The following ALDH1L1 variants were observed in gnomAD, a reference collection of about 807,000 sequenced individuals.
ALDH1L1 encodes cytosolic 10-formyltetrahydrofolate dehydrogenase.
ALDH1L1 carries 68 observed loss-of-function variants against 101.1 expected under a neutral mutation model. That is an observed-to-expected ratio of 0.67 (90% CI 0.55 to 0.82). The LOEUF (loss-of-function observed/expected upper bound fraction) is 0.82. ALDH1L1 is among the 40% of genes least tolerant of loss of function. The pLI is 0.00. For synonymous variants in ALDH1L1, 486 were observed against 470.8 expected, an observed-to-expected ratio of 1.03 and a Z score of -0.42; for missense variants, 1,087 against 1,172.7, an observed-to-expected ratio of 0.93 and a Z score of 1.07.
Position 126,157,528 on chromosome 3 carries a change from A to G in ALDH1L1, c.363-20T>C, listed in dbSNP as rs201772609. 21 of 1,610,412 alleles carry G rather than the reference A, an allele frequency of 1.3e-5. No individual in the cohort carries two copies. Among genetic ancestry groups the G allele is most frequent in the Non-Finnish European group, 1.8e-5 (21 of 1,177,876 alleles). On this transcript the variant is annotated intron_variant, in intron 3 of 22. Transcript: ENST00000393434. Reference sequence around the variant, plus strand: ...AGGGTCCTAGGAAGCAGAAGAGTGAAACCTGGAGTCCACGATGAAGGGCCA... The same window carrying G: ...AGGGTCCTAGGAAGCAGAAGAGTGAGACCTGGAGTCCACGATGAAGGGCCA...
chr3:126,121,223 C>A (rs2080073722), intron 16 of ALDH1L1, among the ~76,000 whole-genome samples: 1 of 152,132 alleles, frequency 6.6e-6, no homozygotes, highest in South Asian at 2.1e-4. Context: ...GGAGCATGGC[C>A]CTGCTAACAC....
intron 1 of ALDH1L1, among the ~76,000 whole-genome samples, chr3:126,190,636 G>T (rs772221951): frequency 6.6e-5 from 10 of 152,156 alleles, no homozygotes; most frequent in Non-Finnish European, 1.0e-4. Context: ...TTTAGTACTG[G>T]CTGACTTAGC....
chr3:126,110,488 C>T (rs762720659), intron 19 of ALDH1L1, among the ~76,000 whole-genome samples: 3 of 152,088 alleles, frequency 2.0e-5, no homozygotes, highest in Non-Finnish European at 4.4e-5. Context: ...ACTGTTTGTC[C>T]GGGGGACTCC....
chr3:126,141,889 A>C (rs915777729), intron 9 of ALDH1L1, among the ~76,000 whole-genome samples: 2 of 152,118 alleles, frequency 1.3e-5, no homozygotes, highest in African/African-American at 4.8e-5. Flanking sequence ...AGAAAAAAAA[A>C]CAGCAAATCA....
At chr3:126,158,716 G>A in intron 2 of ALDH1L1, 77 bp from the exon 3 acceptor site, 3 of 1,403,612 alleles carry the variant, frequency 2.1e-6, no homozygotes, top group South Asian at 1.2e-5. Flanking sequence ...TCCCAGCAGA[G>A]CAGCTCATAG....
chr3:126,152,339 G>A (rs1341206934), intron 7 of ALDH1L1: 1 of 152,172 alleles, frequency 6.6e-6, no homozygotes, highest in Non-Finnish European at 1.5e-5. Flanking sequence ...ATGATTTTCT[G>A]GAACATTCCC....
At chr3:126,159,181 T>G (rs554431596) in intron 2 of ALDH1L1, among the ~76,000 whole-genome samples, 1 of 152,078 alleles carries the variant, frequency 6.6e-6, no homozygotes, top group East Asian at 1.9e-4. Context: ...AATCAGTTTT[T>G]CCATCATCTG....
In ALDH1L1 at chr3:126,148,579, C is replaced by A. The variant is rs150334336; in HGVS notation, c.985-1653G>T. 4.1e-3 allele frequency among the ~76,000 whole-genome samples: 619 copies of A among 152,280 alleles called. 8 individuals are homozygous for A. Among genetic ancestry groups the A allele is most frequent in the African/African-American group, 0.014 (583 of 41,558 alleles). ...AGAGGCCTAATGATAGCCATCCTAG[C>A]GATGGCCTTAGGGGGCTGCACGGTG... On this transcript the variant is annotated intron_variant, in intron 8 of 22. Coordinates refer to ENST00000393434, the MANE Select transcript of ALDH1L1 (RefSeq NM_012190.4).
chr3:126,160,058 C>G (rs1485538914), intron 2 of ALDH1L1, among the ~76,000 whole-genome samples: 3 of 152,148 alleles, frequency 2.0e-5, no homozygotes, highest in Admixed American at 1.3e-4. Context: ...CAAGCTGAGG[C>G]CCCTGCATCC....
chr3:126,106,033 G>A (rs1945857682), intron 21 of ALDH1L1, 108 bp from the exon 22 acceptor site: 3 of 1,170,258 alleles, frequency 2.6e-6, no homozygotes, highest in South Asian at 3.0e-5. Flanking sequence ...ACCTTCCGAG[G>A]AGAAAATGTG....
At chr3:126,128,937 G>A (rs1423917972) in intron 14 of ALDH1L1, 1 of 21,700 alleles carries the variant, frequency 4.6e-5, no homozygotes, top group Admixed American at 3.4e-4. Context: ...GCCCTGCCCT[G>A]CCCAGCCCAG....
chr3:126,187,421 T>C (rs1183746349), intron 1 of ALDH1L1, among the ~76,000 whole-genome samples: 1 of 152,138 alleles, frequency 6.6e-6, no homozygotes, highest in African/African-American at 2.4e-5. Flanking sequence ...TCCCCCCTTG[T>C]GGCTTTCCTT....
intron 14 of ALDH1L1, among the ~76,000 whole-genome samples, chr3:126,126,050 C>G (rs1384598940): frequency 6.6e-6 from 1 of 152,032 alleles, no homozygotes; most frequent in East Asian, 1.9e-4. Context: ...AGGACACAGG[C>G]CAGGGTCAGC....
intron 1 of ALDH1L1, among the ~76,000 whole-genome samples, chr3:126,174,196 G>A (rs921824534): frequency 3.9e-5 from 6 of 151,902 alleles, no homozygotes; most frequent in South Asian, 2.1e-4. Context: ...GCACCACCAC[G>A]TCCGGCTAAT....
At chr3:126,157,186 T>A (rs1038617355) in intron 4 of ALDH1L1, among the ~76,000 whole-genome samples, 157 bp downstream of exon 4, 8 of 152,220 alleles carry the variant, frequency 5.3e-5, no homozygotes, top group African/African-American at 1.7e-4. Flanking sequence ...TTTGTCCTAA[T>A]CCTGCCTCTG....
In ALDH1L1 at chr3:126,168,187, T is replaced by C. The variant is rs909274208; in HGVS notation, c.-23-7185A>G. On this transcript the variant is annotated intron_variant, in intron 1 of 22. Coordinates refer to ENST00000393434, the MANE Select transcript of ALDH1L1 (RefSeq NM_012190.4). ...AAAATTAATTCTGCAAATAAAACTCTTGTGTGTTAACACATTAACTAAACT... is the reference window on the plus strand; with the variant it reads ...AAAATTAATTCTGCAAATAAAACTCCTGTGTGTTAACACATTAACTAAACT... 1.4e-4 allele frequency among the ~76,000 whole-genome samples: 22 copies of C among 152,286 alleles called. No homozygotes were observed. In the South Asian group the frequency reaches 4.1e-3, roughly 29 times the overall value.
At chr3:126,131,589 T>C (rs2080308652) in intron 12 of ALDH1L1, 55 bp from the exon 13 acceptor site, 2 of 1,562,598 alleles carry the variant, frequency 1.3e-6, no homozygotes, top group Admixed American at 1.8e-5. Context: ...CGGCCTCATC[T>C]GCCCTCACAA....
intron 9 of ALDH1L1, among the ~76,000 whole-genome samples, chr3:126,138,988 G>C (rs936235062): frequency 2.0e-5 from 3 of 152,342 alleles, no homozygotes; most frequent in Admixed American, 1.3e-4. Flanking sequence ...CCTCTCATAA[G>C]ATATTGGCTG....
rs979854934 is a variant in ALDH1L1, at chr3:126,105,927, T to C, written c.2454-2A>G. 4.3e-6 allele frequency: 7 copies of C among 1,611,402 alleles called. No homozygotes were observed. Among genetic ancestry groups the C allele is most frequent in the Non-Finnish European group, 5.9e-6 (7 of 1,177,814 alleles). ...CGAGACAGCACGGCATCCAAGTCCC[T>C]GGAGAGAAAGTCCAGGAAGAACTCC... On this transcript the variant is annotated splice_acceptor_variant, in intron 21 of 22. Coordinates refer to ENST00000393434, the MANE Select transcript of ALDH1L1 (RefSeq NM_012190.4). LOFTEE classifies it high-confidence loss of function.
Sources: allele counts gnomAD v4.1 joint callset (sites outside exome capture counted in the v4.1 genomes callset), GRCh38; gene constraint gnomAD v4.1.1; transcripts MANE v1.5; gene names NCBI Gene and HGNC (gene_info 2026-07-23, HGNC 2026-07-21).